The following AQP4 variants were observed in gnomAD, a reference collection of about 807,000 sequenced individuals.
AQP4 encodes aquaporin-4.
In AQP4, 18 loss-of-function variants were observed where a neutral mutation model predicts 27.8. The observed-to-expected ratio is 0.65, with a 90% CI of 0.45 to 0.96. The LOEUF is 0.96. Ranked by LOEUF, AQP4 falls within the 40% of genes least tolerant of loss-of-function variation. The probability of loss-of-function intolerance (pLI) is 0.00; values close to 1 mark genes in which losing one functional copy is unlikely to be tolerated. For missense variants in AQP4, 412 were observed against 408.2 expected (o/e 1.01, Z -0.08); for synonymous variants, 141 against 142.9 (o/e 0.99, Z 0.10).
Position 26,865,656 on chromosome 18 carries a change from AC to A in AQP4, c.32+1del, listed in dbSNP as rs2055047392. 2 of 1,614,060 alleles carry A rather than the reference AC, an allele frequency of 1.2e-6. No homozygotes were observed. Among genetic ancestry groups the A allele is most frequent in the Non-Finnish European group, 1.7e-6 (2 of 1,179,998 alleles). Reference sequence around the variant, plus strand: ...GTTCCCTTAAGGCAAAGAAGGACTTACCCCCACCGCCTTGCTGTGGGTCTGT... The same window carrying A: ...GTTCCCTTAAGGCAAAGAAGGACTTACCCCACCGCCTTGCTGTGGGTCTGT... On this transcript the variant is annotated splice_donor_variant, in intron 1 of 4. Coordinates refer to ENST00000383168, the MANE Select transcript of AQP4 (RefSeq NM_001650.7). LOFTEE classifies it high-confidence loss of function.
At position 26,858,784 on chromosome 18, in the gene AQP4, G is replaced by GAAATAAACAAACT. The variant is rs767247352; in HGVS notation, c.693+1987_693+1988insAGTTTGTTTATTT. On this transcript the variant is annotated intron_variant, in intron 4 of 4. Coordinates refer to ENST00000383168, the MANE Select transcript of AQP4 (RefSeq NM_001650.7). ...TTCTCAAAAATAAACAAATCTCAGT[G>GAAATAAACAAACT]TCAAGTTGCTATTTCAAAATGAAGT... Among the ~76,000 whole-genome samples, 109 of 152,112 alleles carry GAAATAAACAAACT rather than the reference G, an allele frequency of 7.2e-4. 1 individual carries two copies. The highest frequency in any genetic ancestry group is 9.7e-4 in the Non-Finnish European group (66 of 68,018).
At chr18:26,864,232 C>T (rs2055014704) in intron 1 of AQP4, among the ~76,000 whole-genome samples, 2 of 152,178 alleles carry the variant, frequency 1.3e-5, no homozygotes, top group African/African-American at 2.4e-5. Flanking sequence ...TGAATGTTCC[C>T]GGGAACCTGC....
chr18:26,860,772 C>G lies in AQP4; in HGVS notation c.693G>C (p.Trp231Cys), dbSNP rs779472607. The G allele has an allele frequency of 2.5e-6, 4 of 1,612,544 alleles. No individual in the cohort carries two copies. Among genetic ancestry groups the G allele is most frequent in the East Asian group, 2.2e-5 (1 of 44,858 alleles). The change falls in exon 4 of 5, where the codon TGG becomes TGC. Residue 231 changes from tryptophan to cysteine, a missense_variant and splice_region_variant. Trp to Cys is a radical substitution (Grantham distance 215). Coordinates refer to ENST00000383168, the MANE Select transcript of AQP4 (RefSeq NM_001650.7). ...AVIMGNWENH[W>C]IYWVGPIIGA... ...TGGGAACTATCAATATGAGGGTTACCCAATGGTTTTCCCAATTTCCCATGA... is the reference window on the plus strand; with the variant it reads ...TGGGAACTATCAATATGAGGGTTACGCAATGGTTTTCCCAATTTCCCATGA...
intron 1 of AQP4, chr18:26,862,897 T>G: frequency 2.4e-6 from 1 of 418,504 alleles, no homozygotes; most frequent in Non-Finnish European, 4.4e-6. Flanking sequence ...AAAATATATT[T>G]ACCTTGTACT....
rs189710668 is a variant in AQP4, at chr18:26,855,217, G to A, written c.*994C>T. On this transcript the variant is annotated 3_prime_UTR_variant, in exon 5 of 5. Transcript: ENST00000383168. ...TCAACAAAAAGCCAGGACTCAACTA[G>A]CTAAGTTCTTGTTATCAAAAATATG... 6.6e-6 allele frequency: 1 copy of A among 152,290 alleles called. No individual in the cohort carries two copies. The highest frequency in any genetic ancestry group is 2.4e-5 in the African/African-American group (1 of 41,552). 9.4% of individuals were successfully genotyped at this position (152,290 alleles called of 1,614,324 possible). A position where few individuals can be genotyped will look rare whatever the true frequency, so the allele number is the denominator to read the frequency against.
chr18:26,862,668 G>C, intron 1 of AQP4, 72 bp from the exon 2 acceptor site: 1 of 1,604,550 alleles, frequency 6.2e-7, no homozygotes, highest in Admixed American at 1.7e-5. Context: ...AGGGAACAAG[G>C]CCTGCCATCT....
intron 1 of AQP4, chr18:26,863,227 C>T (rs1263644593): frequency 1.3e-5 from 2 of 155,230 alleles, no homozygotes; most frequent in Non-Finnish European, 2.9e-5. Context: ...CACTCCCTCC[C>T]TCTCCTTTGC....
chr18:26,860,918 T>C, intron 3 of AQP4, 66 bp from the exon 4 acceptor site: 1 of 1,508,992 alleles, frequency 6.6e-7, no homozygotes. Context: ...TATCATTCAT[T>C]GCAATTTGCT....
chr18:26,864,123 A>G lies in AQP4; in HGVS notation c.33-1527T>C, dbSNP rs571398981. Among the ~76,000 whole-genome samples, 8 of 152,320 alleles carry G rather than the reference A, an allele frequency of 5.3e-5. No homozygotes were observed. The South Asian group carries it at 1.7e-3, about 32-fold the overall frequency. ...CCAGAGAATCTAATTGCAGAGGACC[A>G]CGTAAGGGGTTAGGCAAGAAAGCCA... On this transcript the variant is annotated intron_variant, in intron 1 of 4. Coordinates refer to ENST00000383168, the MANE Select transcript of AQP4 (RefSeq NM_001650.7).
intron 2 of AQP4, chr18:26,861,962 A>C (rs2054953581): frequency 3.3e-6 from 2 of 606,890 alleles, no homozygotes; most frequent in South Asian, 4.1e-5. Context: ...CGGGCCACCT[A>C]GATTTTGTTA....
chr18:26,857,681 G>T (rs1173510680), intron 4 of AQP4, among the ~76,000 whole-genome samples: 1 of 152,128 alleles, frequency 6.6e-6, no homozygotes, highest in African/African-American at 2.4e-5. Context: ...GAGTTTGAAT[G>T]AAGTGCAGAC....
chr18:26,862,769 T>TGTTATTCTAGTCTC (rs2054978649), intron 1 of AQP4, 173 bp from the exon 2 acceptor site: 1 of 774,702 alleles, frequency 1.3e-6, no homozygotes, highest in Admixed American at 2.3e-5. Context: ...GTCAAGAGAC[T>TGTTATTCTAGTCTC]GTTATTCTAG....
In AQP4 at chr18:26,862,392, G is replaced by A. The variant is rs371804446; in HGVS notation, c.237C>T (p.Leu79=). ...DMVLISLCFG[L]SIATMVQCFG... is the part of the protein sequence containing the mutation. ...AGCACTGCACCATGGTTGCAATGCT[G>A]AGTCCAAAGCAAAGGGAGATGAGAA... The change falls in exon 2 of 5, where the codon CTC becomes CTT. Residue 79 remains leucine (L), a synonymous_variant. Coordinates refer to ENST00000383168, the MANE Select transcript of AQP4 (RefSeq NM_001650.7). The A allele has an allele frequency of 1.2e-6, 2 of 1,614,236 alleles. No homozygotes were observed. Among genetic ancestry groups the A allele is most frequent in the Non-Finnish European group, 1.7e-6 (2 of 1,180,036 alleles).
In AQP4 at chr18:26,854,347, A is replaced by G. The variant is rs938062385; in HGVS notation, c.*1864T>C. On this transcript the variant is annotated 3_prime_UTR_variant, in exon 5 of 5. Coordinates refer to ENST00000383168, the MANE Select transcript of AQP4 (RefSeq NM_001650.7). ...CCCTGATTTTAAGCCTCTAAGTGGTATATTGTGCAAACATTTGAAATGACG... is the reference window on the plus strand; with the variant it reads ...CCCTGATTTTAAGCCTCTAAGTGGTGTATTGTGCAAACATTTGAAATGACG... 1 of 152,250 alleles carries G rather than the reference A, an allele frequency of 6.6e-6. No homozygotes were observed. The allele number at this position is 152,250 out of a possible 1,614,324, so 9.4% of individuals were successfully genotyped here. A position where few individuals can be genotyped will look rare whatever the true frequency, so the allele number is the denominator to read the frequency against.
intron 4 of AQP4, among the ~76,000 whole-genome samples, chr18:26,856,776 A>T (rs1354700980): frequency 6.6e-6 from 1 of 152,224 alleles, no homozygotes; most frequent in Non-Finnish European, 1.5e-5. Flanking sequence ...GTAAAGATAG[A>T]TCCTCTTTGG....
At chr18:26,864,214 C>T (rs1376962989) in intron 1 of AQP4, among the ~76,000 whole-genome samples, 1 of 152,212 alleles carries the variant, frequency 6.6e-6, no homozygotes, top group African/African-American at 2.4e-5. Flanking sequence ...CTCATTTCCC[C>T]ATGTCACTGA....
chr18:26,855,613 A>C lies in AQP4; in HGVS notation c.*598T>G, dbSNP rs2054828202. The C allele has an allele frequency of 6.5e-6, 1 of 153,858 alleles. No homozygotes were observed. The highest frequency in any genetic ancestry group is 6.5e-5 in the Admixed American group (1 of 15,468). The allele number at this position is 153,858 out of a possible 1,614,324, so 9.5% of individuals were successfully genotyped here. On this transcript the variant is annotated 3_prime_UTR_variant, in exon 5 of 5. Coordinates refer to ENST00000383168, the MANE Select transcript of AQP4 (RefSeq NM_001650.7). Reference sequence around the variant, plus strand: ...GCATTGAGGAGGAAGAAATACCATGAAATGAAGTTAGAATTGAAACTTGGG... The same window carrying C: ...GCATTGAGGAGGAAGAAATACCATGCAATGAAGTTAGAATTGAAACTTGGG...
intron 1 of AQP4, chr18:26,862,899 C>T (rs1313253576): frequency 2.4e-6 from 1 of 421,306 alleles, no homozygotes; most frequent in Non-Finnish European, 4.3e-6. Flanking sequence ...AATATATTTA[C>T]CTTGTACTTA....
rs773424848 is a variant in AQP4, at chr18:26,853,427, T to C, written c.*2784A>G. 1.3e-5 allele frequency: 2 copies of C among 152,266 alleles called. No individual in the cohort carries two copies. Among genetic ancestry groups the C allele is most frequent in the Non-Finnish European group, 2.9e-5 (2 of 68,062 alleles). The allele number at this position is 152,266 out of a possible 1,614,324, so 9.4% of individuals were successfully genotyped here. On this transcript the variant is annotated 3_prime_UTR_variant, in exon 5 of 5. Coordinates refer to ENST00000383168, the MANE Select transcript of AQP4 (RefSeq NM_001650.7). ...AGCCTGAAAGCTTAAAATAAGACTCTTTCCCTTTTGTACACTTTTGACAAA... is the reference window on the plus strand; with the variant it reads ...AGCCTGAAAGCTTAAAATAAGACTCCTTCCCTTTTGTACACTTTTGACAAA...
Sources: allele counts gnomAD v4.1 joint callset (sites outside exome capture counted in the v4.1 genomes callset), GRCh38; gene constraint gnomAD v4.1.1; transcripts MANE v1.5; gene names NCBI Gene and HGNC (gene_info 2026-07-23, HGNC 2026-07-21).